Variants in MROH1 observed in about 807,000 individuals in gnomAD.
The protein encoded by MROH1 is maestro heat-like repeat-containing protein family member 1.
A neutral mutation model predicts 116.5 loss-of-function variants in MROH1; 117 were observed. That is an observed-to-expected ratio of 1.00 (90% CI 0.86 to 1.17). The LOEUF (loss-of-function observed/expected upper bound fraction) is 1.17. MROH1 is among the 50% of genes most tolerant of loss of function. MROH1 has a pLI of 0.00. For synonymous variants in MROH1, 921 were observed against 583.9 expected (o/e 1.58, Z -8.32); for missense variants, 1,873 against 1,338.5 (o/e 1.40, Z -6.23).
chr8:144,170,401 G>C (rs1321086924), intron 4 of MROH1, among the ~76,000 whole-genome samples: 2 of 152,160 alleles, frequency 1.3e-5, no homozygotes, highest in African/African-American at 4.8e-5. Flanking sequence ...GACCCTGTGG[G>C]CTGTGACCCT....
Position 144,245,227 on chromosome 8 carries a change from G to C in MROH1, c.2838G>C (p.Leu946=). 1.3e-6 allele frequency: 1 copy of C among 779,028 alleles called. No individual in the cohort carries two copies. 48.3% of individuals were successfully genotyped at this position (779,028 alleles called of 1,614,324 possible). The change falls in exon 29 of 44, where the codon CTG becomes CTC. Residue 946 remains leucine, a synonymous_variant. Coordinates refer to ENST00000326134, the MANE Select transcript of MROH1 (RefSeq NM_032450.3). ...GGGCCCTGGGCCTGAGCGCCCTCCT[G>C]CTGCGCTACTTCCTGGAGCACCTGC... The part of the protein sequence containing the change: ...RARALGLSAL[L]LRYFLEHLRV...
At chr8:144,254,424 T>G (rs1843343545) in intron 33 of MROH1, 2 of 184,846 alleles carry the variant, frequency 1.1e-5, no homozygotes, top group Non-Finnish European at 2.2e-5. Context: ...TGAGTGTTCT[T>G]GGCAGCACTG....
At chr8:144,226,587 G>T (rs1397740642) in intron 14 of MROH1, among the ~76,000 whole-genome samples, 1 of 152,166 alleles carries the variant, frequency 6.6e-6, no homozygotes, top group African/African-American at 2.4e-5. Flanking sequence ...TGAGTAGCTG[G>T]GATTATAGGC....
chr8:144,168,185 G>A, intron 3 of MROH1, 110 bp from the exon 4 acceptor site: 1 of 1,290,072 alleles, frequency 7.8e-7, no homozygotes, highest in South Asian at 1.5e-5. Flanking sequence ...CCTGCTCTGT[G>A]TCTGTGATCC....
At chr8:144,179,250 G>A (rs890521755) in intron 4 of MROH1, among the ~76,000 whole-genome samples, 7 of 152,068 alleles carry the variant, frequency 4.6e-5, no homozygotes, top group East Asian at 1.9e-4. Context: ...GCAGGATAAC[G>A]CTCCACCCTT....
intron 12 of MROH1, among the ~76,000 whole-genome samples, chr8:144,203,262 G>C (rs1380363621): frequency 1.2e-5 from 1 of 84,282 alleles, no homozygotes; most frequent in Non-Finnish European, 2.5e-5. Flanking sequence ...AGGGGCGGGG[G>C]GGGGGAGCGC....
intron 3 of MROH1, among the ~76,000 whole-genome samples, chr8:144,165,831 C>T (rs1390464802): frequency 9.2e-5 from 14 of 151,514 alleles, no homozygotes; most frequent in Non-Finnish European, 1.9e-4. Context: ...GATCGGCCTC[C>T]CAAAGTGCTG....
intron 14 of MROH1, among the ~76,000 whole-genome samples, chr8:144,227,393 TGG>T (rs1838010268): frequency 6.6e-6 from 1 of 152,138 alleles, no homozygotes; most frequent in African/African-American, 2.4e-5. Context: ...CCCAGCACTT[TGG>T]GAGGCTGAGG....
intron 29 of MROH1, among the ~76,000 whole-genome samples, chr8:144,245,850 T>A (rs1841792180): frequency 6.6e-6 from 1 of 151,568 alleles, no homozygotes; most frequent in Non-Finnish European, 1.5e-5. Context: ...TTTGTAGAGA[T>A]GGGTCTTGCT....
rs780309018 is a variant in MROH1 at position 144,199,189 on chromosome 8, T to A, written c.1016T>A (p.Phe339Tyr). ...MSNQKEVLRC[F>Y]TVLACSSPDR... is the part of the protein sequence containing the mutation. ...AACCAGAAGGAGGTGCTGCGCTGCT[T>A]CACTGTGCTGGGTGAGTGGTGGGCC... Residue 339 changes from phenylalanine (F) to tyrosine (Y), a missense_variant, in exon 11 of 44, where the codon TTC (phenylalanine) becomes TAC (tyrosine). Physicochemically the swap from Phe to Tyr is conservative, Grantham distance 22. Coordinates refer to ENST00000326134, the MANE Select transcript of MROH1 (RefSeq NM_032450.3). The A allele has an allele frequency of 3.7e-6, 6 of 1,613,224 alleles. No homozygotes were observed. The highest frequency in any genetic ancestry group is 5.1e-6 in the Non-Finnish European group (6 of 1,179,642).
intron 14 of MROH1, among the ~76,000 whole-genome samples, chr8:144,225,661 C>G (rs936407473): frequency 1.3e-5 from 2 of 151,612 alleles, no homozygotes; most frequent in Admixed American, 1.3e-4. Context: ...AGGCGATTCT[C>G]CTGCCTCAGT....
rs1042737495 is a variant in MROH1, at chr8:144,241,120, G to A, written c.2055+9G>A. 9 of 747,126 alleles carry A rather than the reference G, an allele frequency of 1.2e-5. No individual in the cohort carries two copies. Among genetic ancestry groups the A allele is most frequent in the Admixed American group, 5.6e-5 (3 of 53,664 alleles). 46.3% of individuals were successfully genotyped at this position (747,126 alleles called of 1,614,324 possible). ...AGGAGGCAGAACGCGAGGTGGGGCC[G>A]CTTTCCCTGCAGAAGCCCCAGACAC... On this transcript the variant is annotated intron_variant, in intron 21 of 43. Coordinates refer to ENST00000326134, the MANE Select transcript of MROH1 (RefSeq NM_032450.3).
rs947767547 is a variant in MROH1, at chr8:144,261,575, G to A, written c.4841-80G>A. 7.0e-5 allele frequency: 49 copies of A among 700,534 alleles called. No individual in the cohort carries two copies. In the Admixed American group the frequency reaches 8.0e-4, roughly 11 times the overall value. 43.4% of individuals were successfully genotyped at this position (700,534 alleles called of 1,614,324 possible). On this transcript the variant is annotated intron_variant, in intron 43 of 43. Transcript: ENST00000326134. ...GCTCCTGAGCCTCCCAGCAGAGGCT[G>A]TCAGGAGAGCGTGGCCCACGCGCAG...
At chr8:144,203,990 T>C (rs1832279566) in intron 12 of MROH1, among the ~76,000 whole-genome samples, 1 of 152,240 alleles carries the variant, frequency 6.6e-6, no homozygotes, top group African/African-American at 2.4e-5. Context: ...TGCATTTACG[T>C]ATGTACAAAT....
chr8:144,156,363 C>G (rs1311228839), intron 1 of MROH1, among the ~76,000 whole-genome samples: 1 of 149,496 alleles, frequency 6.7e-6, no homozygotes, highest in African/African-American at 2.5e-5. Context: ...AATGCTTTTT[C>G]TGCATTTATT....
At chr8:144,219,828 G>A (rs1169424105) in intron 12 of MROH1, among the ~76,000 whole-genome samples, 1 of 152,224 alleles carries the variant, frequency 6.6e-6, no homozygotes, top group Non-Finnish European at 1.5e-5. Context: ...GCATTGAGGA[G>A]CCAGGGTATG....
intron 34 of MROH1, among the ~76,000 whole-genome samples, chr8:144,255,183 C>G (rs1041178606): frequency 4.6e-5 from 7 of 152,114 alleles, no homozygotes; most frequent in Middle Eastern, 3.2e-3. Flanking sequence ...TTTTATCCTG[C>G]GGAAAAAAAA....
chr8:144,260,579 C>T (rs1257492119), intron 39 of MROH1, 98 bp from the exon 40 acceptor site: 9 of 763,316 alleles, frequency 1.2e-5, no homozygotes, highest in East Asian at 2.4e-5. Flanking sequence ...TTTCCTGGCC[C>T]GGGTCAGGCA....
intron 4 of MROH1, among the ~76,000 whole-genome samples, chr8:144,176,579 T>C (rs1441759195): frequency 1.3e-5 from 2 of 149,000 alleles, no homozygotes; most frequent in African/African-American, 4.9e-5. Context: ...TGATGGCTCA[T>C]GCCTATAATC....
Sources: gnomAD v4.1 joint callset for allele counts (sites outside exome capture counted in the v4.1 genomes callset) on GRCh38, gnomAD v4.1.1 for gene constraint, MANE v1.5 for transcripts, NCBI Gene and HGNC (gene_info 2026-07-23, HGNC 2026-07-21) for gene names.